SSBP3: variants seen among roughly 807,000 people sequenced by gnomAD.
SSBP3 encodes the protein single-stranded DNA-binding protein 3.
SSBP3 carries 5 observed loss-of-function variants against 69.6 expected under a neutral mutation model. The ratio of observed to expected loss-of-function variants is 0.07; its 90% CI spans 0.04 to 0.15. The LOEUF (loss-of-function observed/expected upper bound fraction) is 0.15, where lower values mean the gene tolerates loss of function less well. SSBP3 is among the 10% of genes least tolerant of loss of function. The probability of loss-of-function intolerance (pLI) is 1.00; values close to 1 mark genes in which losing one functional copy is unlikely to be tolerated. For synonymous variants in SSBP3, 196 were observed against 193.4 expected, an observed-to-expected ratio of 1.01 and a Z score of -0.11; for missense variants, 312 against 534.0, an observed-to-expected ratio of 0.58 and a Z score of 4.10.
At chr1:54,329,429 G>A (rs1569831068) in intron 4 of SSBP3, among the ~76,000 whole-genome samples, 2 of 152,336 alleles carry the variant, frequency 1.3e-5, no homozygotes, top group African/African-American at 4.8e-5. Context: ...TGTGAAGCAA[G>A]GATTACTGCA....
chr1:54,369,853 T>C (rs1047869485), intron 4 of SSBP3, among the ~76,000 whole-genome samples: 1 of 150,666 alleles, frequency 6.6e-6, no homozygotes, highest in African/African-American at 2.4e-5. Flanking sequence ...CTCGACGGTA[T>C]CCTGGGCACA....
chr1:54,256,331 A>G (rs1203781621), intron 7 of SSBP3, among the ~76,000 whole-genome samples: 1 of 152,128 alleles, frequency 6.6e-6, no homozygotes. Context: ...TTGGGGCATA[A>G]AATTTCCCTG....
At chr1:54,373,455 A>G (rs548775391) in intron 4 of SSBP3, among the ~76,000 whole-genome samples, 31 of 152,270 alleles carry the variant, frequency 2.0e-4, no homozygotes, top group African/African-American at 7.5e-4. Flanking sequence ...GGGTCAGCAA[A>G]GAGTTGTTTT....
chr1:54,321,071 C>T (rs983570071), intron 4 of SSBP3, among the ~76,000 whole-genome samples: 1 of 152,194 alleles, frequency 6.6e-6, no homozygotes, highest in African/African-American at 2.4e-5. Context: ...CCTAAGGGAA[C>T]ATGGTATAGC....
chr1:54,319,905 G>A (rs1646183186), intron 4 of SSBP3, among the ~76,000 whole-genome samples: 1 of 152,192 alleles, frequency 6.6e-6, no homozygotes, highest in African/African-American at 2.4e-5. Context: ...AAAGACTAAT[G>A]CTGGAGAAAC....
intron 4 of SSBP3, among the ~76,000 whole-genome samples, chr1:54,298,406 CCTGCCTA>C (rs1052544080): frequency 1.7e-4 from 26 of 152,146 alleles, no homozygotes; most frequent in Non-Finnish European, 2.9e-5. Context: ...TGGTACCAGA[CCTGCCTA>C]CTCCCACCAC....
upstream of SSBP3, among the ~76,000 whole-genome samples, chr1:54,406,773 G>A (rs1649809055): frequency 6.6e-6 from 1 of 151,914 alleles, no homozygotes; most frequent in Non-Finnish European, 1.5e-5. Flanking sequence ...CCGATGGGAG[G>A]GGGCGCAGAC....
At chr1:54,327,990 G>C in intron 4 of SSBP3, among the ~76,000 whole-genome samples, 1 of 152,192 alleles carries the variant, frequency 6.6e-6, no homozygotes, top group East Asian at 1.9e-4. Context: ...ACGAAGAAGA[G>C]TCTCCCATAA....
At chr1:54,234,562 C>G (rs1337074376) in intron 14 of SSBP3, among the ~76,000 whole-genome samples, 1 of 151,998 alleles carries the variant, frequency 6.6e-6, no homozygotes, top group Non-Finnish European at 1.5e-5. Context: ...GCCCTCTAGA[C>G]TGGGTGACAG....
chr1:54,289,020 CAA>C (rs777871964), intron 4 of SSBP3, among the ~76,000 whole-genome samples: 714 of 43,792 alleles, frequency 0.016, 10 homozygotes, highest in African/African-American at 0.045. Flanking sequence ...ACTCTGTCTC[CAA>C]AAAAAAAAAA....
At chr1:54,261,813 T>A (rs1193694938) in intron 5 of SSBP3, among the ~76,000 whole-genome samples, 1 of 152,084 alleles carries the variant, frequency 6.6e-6, no homozygotes, top group African/African-American at 2.4e-5. Context: ...AATATCAGGC[T>A]AGACTAGGGT....
At chr1:54,352,601 AGGGGAGGGC>A (rs762165584) in intron 4 of SSBP3, among the ~76,000 whole-genome samples, 2 of 152,198 alleles carry the variant, frequency 1.3e-5, no homozygotes, top group Non-Finnish European at 2.9e-5. Context: ...GAACAAGGCA[AGGGGAGGGC>A]GGGATGGCCG....
chr1:54,351,238 A>G (rs1449733730), intron 4 of SSBP3, among the ~76,000 whole-genome samples: 1 of 152,228 alleles, frequency 6.6e-6, no homozygotes, highest in Non-Finnish European at 1.5e-5. Flanking sequence ...AAGTTAGCAC[A>G]AAGTTAGTCC....
intron 5 of SSBP3, among the ~76,000 whole-genome samples, chr1:54,260,969 C>T (rs967496992): frequency 8.5e-5 from 13 of 152,260 alleles, no homozygotes; most frequent in African/African-American, 1.2e-4. Flanking sequence ...TGCAGTGAAG[C>T]GCTGACAGGC....
At chr1:54,302,503 G>A (rs1401181425) in intron 4 of SSBP3, among the ~76,000 whole-genome samples, 2 of 151,842 alleles carry the variant, frequency 1.3e-5, no homozygotes, top group South Asian at 2.1e-4. Context: ...GTAGAGATGG[G>A]GTTTCATCAT....
chr1:54,298,590 G>A (rs1002534005), intron 4 of SSBP3, among the ~76,000 whole-genome samples: 18 of 152,236 alleles, frequency 1.2e-4, no homozygotes, highest in African/African-American at 3.4e-4. Context: ...ACTTCTTTTC[G>A]TAGCTTTAGA....
rs772177869 is a variant in SSBP3 at position 54,228,392 on chromosome 1, C to T, written c.1036-36G>A. 2.5e-6 allele frequency: 4 copies of T among 1,614,016 alleles called. No individual in the cohort carries two copies. The African/African-American group carries it at 5.3e-5, about 22-fold the overall frequency. On this transcript the variant is annotated intron_variant, in intron 16 of 17. Transcript: ENST00000610401. ...AGGAGAGGAGGTGAGCACCTGTGTC[C>T]CCAACAACCTGCCCACACAGATGGG...
intron 5 of SSBP3, among the ~76,000 whole-genome samples, chr1:54,260,386 CTG>C (rs1347863742): frequency 3.9e-5 from 6 of 152,230 alleles, no homozygotes; most frequent in African/African-American, 1.4e-4. Context: ...CCCCTCACAC[CTG>C]TGTGCCCAGT....
At chr1:54,411,414 GT>G (rs1240632180), upstream of SSBP3, among the ~76,000 whole-genome samples, 1 of 150,738 alleles carries the variant, frequency 6.6e-6, no homozygotes, top group Non-Finnish European at 1.5e-5. Context: ...GGAGGCGGGG[GT>G]TGCAGTGAGC....
Sources: allele counts gnomAD v4.1 joint callset (sites outside exome capture counted in the v4.1 genomes callset), GRCh38; gene constraint gnomAD v4.1.1; transcripts MANE v1.5; gene names NCBI Gene and HGNC (gene_info 2026-07-23, HGNC 2026-07-21).